TNRC6B: variants seen among roughly 807,000 people sequenced by gnomAD.
TNRC6B encodes the protein trinucleotide repeat-containing gene 6B protein.
Under a neutral mutation model 203.6 loss-of-function variants are expected in TNRC6B, and 52 were observed. That is an observed-to-expected ratio of 0.26 (90% CI 0.20 to 0.32). TNRC6B has a LOEUF of 0.32. TNRC6B is among the 10% of genes least tolerant of loss of function. The pLI is 1.00. For missense variants in TNRC6B, 1,923 were observed against 2,286.2 expected, an observed-to-expected ratio of 0.84 and a Z score of 3.24; for synonymous variants, 838 against 845.7, an observed-to-expected ratio of 0.99 and a Z score of 0.16.
chr22:40,136,186 A>T (rs2068597557), intron 3 of TNRC6B, among the ~76,000 whole-genome samples: 1 of 152,322 alleles, frequency 6.6e-6, no homozygotes, highest in South Asian at 2.1e-4. Context: ...TTTAAATGTA[A>T]TGTAACTTAG....
chr22:40,085,560 T>C (rs996347745), intron 1 of TNRC6B, among the ~76,000 whole-genome samples: 1 of 152,204 alleles, frequency 6.6e-6, no homozygotes, highest in Non-Finnish European at 1.5e-5. Flanking sequence ...CCATTCAGAG[T>C]GCAAGGAAGA....
chr22:40,217,335 C>T (rs1166487759), intron 1 of TNRC6B, among the ~76,000 whole-genome samples: 2 of 152,114 alleles, frequency 1.3e-5, no homozygotes. Context: ...TGAAAGGAAC[C>T]TGACATTGTG....
intron 1 of TNRC6B, among the ~76,000 whole-genome samples, chr22:40,047,029 A>G (rs964368612): frequency 4.6e-5 from 7 of 152,166 alleles, no homozygotes; most frequent in Non-Finnish European, 1.0e-4. Flanking sequence ...TGCTTACTCT[A>G]TGCCAGCCTT....
intron 1 of TNRC6B, among the ~76,000 whole-genome samples, chr22:40,082,032 G>A (rs2068067505): frequency 6.6e-6 from 1 of 152,006 alleles, no homozygotes; most frequent in Admixed American, 6.6e-5. Context: ...GGCCCTGGGT[G>A]TATATATAAT....
intron 3 of TNRC6B, among the ~76,000 whole-genome samples, chr22:40,126,211 C>A (rs2068492019): frequency 6.6e-6 from 1 of 152,102 alleles, no homozygotes; most frequent in South Asian, 2.1e-4. Flanking sequence ...CAGAGGCAGT[C>A]ACTGATAATT....
chr22:40,307,997 T>C (rs1375979549), intron 15 of TNRC6B, among the ~76,000 whole-genome samples: 1 of 152,144 alleles, frequency 6.6e-6, no homozygotes, highest in Non-Finnish European at 1.5e-5. Flanking sequence ...TTGGAGTCAT[T>C]TGAATGTCTC....
At position 40,266,964 on chromosome 22, in the gene TNRC6B, A is replaced by G. The variant is rs1213221794; in HGVS notation, c.2734A>G (p.Lys912Glu). ...CTACAAGAATGTGAATCTGTGGGAT[A>G]AGAATTCCCAAGGGGGCCCAGCACC... ...YNYKNVNLWD[K>E]NSQGGPAPRE... Residue 912 changes from lysine (K) to glutamate (E), a missense_variant, in exon 5 of 23, where the codon AAG becomes GAG. By Grantham distance (56) the Lys-to-Glu change is moderately conservative. Around this residue, in one of 8 missense-constraint regions of TNRC6B, gnomAD observed 599 missense variants for 656.5 expected, o/e 0.91. Coordinates refer to ENST00000454349, the MANE Select transcript of TNRC6B (RefSeq NM_001162501.2). The G allele has an allele frequency of 3.1e-6, 5 of 1,613,200 alleles. No individual in the cohort carries two copies. The highest frequency in any genetic ancestry group is 4.2e-6 in the Non-Finnish European group (5 of 1,179,638).
At chr22:40,275,630 T>C in intron 7 of TNRC6B, among the ~76,000 whole-genome samples, 1 of 151,998 alleles carries the variant, frequency 6.6e-6, no homozygotes, top group East Asian at 1.9e-4. Flanking sequence ...AACTCCCCAT[T>C]CCCCCCTCCC....
intron 1 of TNRC6B, chr22:40,045,009 T>TGCGGCGGCC (rs1286535070): frequency 6.8e-6 from 1 of 147,700 alleles, no homozygotes; most frequent in African/African-American, 2.5e-5. Context: ...GTGAGTGAGG[T>TGCGGCGGCC]GCGGCGGCCG....
chr22:40,157,901 A>G (rs933974143), intron 4 of TNRC6B, among the ~76,000 whole-genome samples: 5 of 152,190 alleles, frequency 3.3e-5, no homozygotes, highest in Non-Finnish European at 7.3e-5. Context: ...TAACTTGCCC[A>G]TGGTAATGCA....
chr22:40,132,446 A>G (rs1462765875), intron 3 of TNRC6B, among the ~76,000 whole-genome samples: 1 of 150,752 alleles, frequency 6.6e-6, no homozygotes, highest in East Asian at 2.0e-4. Context: ...ACACCACGGC[A>G]CTCCAGCCTG....
chr22:40,286,499 T>C (rs1464835199), intron 12 of TNRC6B, among the ~76,000 whole-genome samples: 1 of 151,690 alleles, frequency 6.6e-6, no homozygotes, highest in African/African-American at 2.4e-5. Context: ...AGAGCGAGAC[T>C]CCATTTCAAA....
At chr22:40,314,001 A>C (rs1188710422) in intron 19 of TNRC6B, among the ~76,000 whole-genome samples, 1 of 152,170 alleles carries the variant, frequency 6.6e-6, no homozygotes, top group South Asian at 2.1e-4. Context: ...CCACCACCCT[A>C]CATTACACTT....
Position 40,149,427 on chromosome 22 carries a change from G to A in TNRC6B, c.46-6688G>A, listed in dbSNP as rs978764938. ...CTCACACTTGTAATCCCAGCACTTCGGGAGGCCAAGGCGGGCAAATCACGA... is the reference window on the plus strand; with the variant it reads ...CTCACACTTGTAATCCCAGCACTTCAGGAGGCCAAGGCGGGCAAATCACGA... On this transcript the variant is annotated intron_variant, in intron 3 of 23. Transcript: ENST00000301923. 7.2e-5 allele frequency among the ~76,000 whole-genome samples: 11 copies of A among 152,146 alleles called. No individual in the cohort carries two copies. The Middle Eastern group carries it at 0.01, about 141-fold the overall frequency.
Position 40,323,171 on chromosome 22 carries a change from C to G in TNRC6B, c.5432C>G (p.Pro1811Arg). The change falls in exon 23 of 23, where the codon CCC becomes CGC. Residue 1811 changes from proline to arginine, a missense_variant. This residue lies in a region of TNRC6B where 126 missense variants were observed against 137.5 expected (regional missense o/e 0.92). Coordinates refer to ENST00000454349, the MANE Select transcript of TNRC6B (RefSeq NM_001162501.2). Reference protein sequence around the residue: ...SLWGVPTVEDPHRMGSPAPLL... With the variant: ...SLWGVPTVEDRHRMGSPAPLL... ...TGGGGAGTCCCAACGGTGGAAGATC[C>G]CCATAGGATGGGCAGCCCTGCTCCT... 6.2e-7 allele frequency: 1 copy of G among 1,613,826 alleles called. No individual in the cohort carries two copies. The highest frequency in any genetic ancestry group is 8.5e-7 in the Non-Finnish European group (1 of 1,179,886).
rs470113 is a variant in TNRC6B at position 40,333,610 on chromosome 22, A to G, written c.*10369A>G. 0.2 allele frequency: 30,281 copies of G among 152,526 alleles called. 3,557 individuals are homozygous for G. Among genetic ancestry groups the G allele is most frequent in the Admixed American group, 0.38 (5,735 of 15,280 alleles). 9.4% of individuals were successfully genotyped at this position (152,526 alleles called of 1,614,324 possible). ...TGTAGTCCCTGGCATTTTGGTTTGC[A>G]CTGTAGAATCCATAGCCTTGTCACT... On this transcript the variant is annotated 3_prime_UTR_variant, in exon 23 of 23. Transcript: ENST00000454349.
chr22:40,062,896 C>T (rs2067865954), intron 1 of TNRC6B, among the ~76,000 whole-genome samples: 1 of 151,704 alleles, frequency 6.6e-6, no homozygotes, highest in South Asian at 2.1e-4. Flanking sequence ...TTCTCCTAAT[C>T]TGCAGGTTGA....
At position 40,102,032 on chromosome 22, in the gene TNRC6B, C is replaced by T. The variant is rs6001764; in HGVS notation, c.-120-15023C>T. ...AACTAGTTTGGATAGCATTTTAGGA[C>T]TTGCAGAATTTAATCTGAAGTACTA... is the stretch of plus-strand genomic sequence containing the variant. On this transcript the variant is annotated intron_variant, in intron 1 of 23. Coordinates refer to the TNRC6B transcript ENST00000301923. Among the ~76,000 whole-genome samples the T allele has an allele frequency of 4.3e-4, 66 of 152,210 alleles. 1 individual carries two copies. Among genetic ancestry groups the T allele is most frequent in the African/African-American group, 1.6e-3 (65 of 41,524 alleles).
intron 6 of TNRC6B, 89 bp from the exon 7 acceptor site, chr22:40,273,336 C>A: frequency 8.2e-7 from 1 of 1,224,480 alleles, no homozygotes; most frequent in Non-Finnish European, 1.1e-6. Flanking sequence ...ATTACAAAGA[C>A]ACGTAAATGC....
Sources: gnomAD v4.1 joint callset for allele counts (sites outside exome capture counted in the v4.1 genomes callset) on GRCh38, gnomAD v4.1.1 for gene constraint, gnomAD v4.1.1 regional missense constraint, MANE v1.5 for transcripts, NCBI Gene and HGNC (gene_info 2026-07-23, HGNC 2026-07-21) for gene names.